The following VPS37C variants were observed in gnomAD, a reference collection of about 807,000 sequenced individuals.
VPS37C encodes the protein VPS37C subunit of ESCRT-I, also known as vacuolar protein sorting-associated protein 37C.
A neutral mutation model predicts 16.1 loss-of-function variants in VPS37C; 9 were observed. The observed-to-expected ratio is 0.56, with a 90% CI of 0.34 to 0.97. The LOEUF (loss-of-function observed/expected upper bound fraction) is 0.97. VPS37C is among the 50% of genes least tolerant of loss of function. VPS37C has a pLI of 0.02. For missense variants in VPS37C, 479 were observed against 472.7 expected, an observed-to-expected ratio of 1.01 and a Z score of -0.12; for synonymous variants, 207 against 206.4, an observed-to-expected ratio of 1.00 and a Z score of -0.02.
intron 1 of VPS37C, among the ~76,000 whole-genome samples, chr11:61,152,130 G>A (rs1258923574): frequency 6.6e-6 from 1 of 152,134 alleles, no homozygotes; most frequent in Non-Finnish European, 1.5e-5. Flanking sequence ...CAAACATCCA[G>A]GAGTGTGCAC....
Position 61,131,551 on chromosome 11 carries a change from C to T in VPS37C, c.*269G>A, listed in dbSNP as rs1039696158. On this transcript the variant is annotated 3_prime_UTR_variant, in exon 5 of 5. Transcript: ENST00000301765. ...ATGCGCTCACTCACACAGACACCGGCGAGAGGTGCTGGACTCCAGCCTGGC... is the reference window on the plus strand; with the variant it reads ...ATGCGCTCACTCACACAGACACCGGTGAGAGGTGCTGGACTCCAGCCTGGC... The T allele has an allele frequency of 1.0e-5, 4 of 394,800 alleles. No homozygotes were observed. Among genetic ancestry groups the T allele is most frequent in the Non-Finnish European group, 1.8e-5 (4 of 228,194 alleles). The allele number at this position is 394,800 out of a possible 1,614,324, so 24.5% of individuals were successfully genotyped here.
At chr11:61,160,044 G>C (rs1352869172) in intron 1 of VPS37C, among the ~76,000 whole-genome samples, 2 of 152,008 alleles carry the variant, frequency 1.3e-5, no homozygotes, top group African/African-American at 2.4e-5. Context: ...CGCAAAATTC[G>C]GTATGTTCAG....
Position 61,161,412 on chromosome 11 carries a change from C to T in VPS37C, c.-28G>A. On this transcript the variant is annotated 5_prime_UTR_variant, in exon 1 of 5. Coordinates refer to ENST00000301765, the MANE Select transcript of VPS37C (RefSeq NM_017966.5). ...TCACCTGCCAGGGCCGCCGTCGCCGCCGCCACCGCGGGTTAAACCGCAGCC... is the reference window on the plus strand; with the variant it reads ...TCACCTGCCAGGGCCGCCGTCGCCGTCGCCACCGCGGGTTAAACCGCAGCC... The T allele has an allele frequency of 6.5e-6, 1 of 155,006 alleles. No homozygotes were observed. The highest frequency in any genetic ancestry group is 1.4e-5 in the Non-Finnish European group (1 of 70,252). The allele number at this position is 155,006 out of a possible 1,614,324, so 9.6% of individuals were successfully genotyped here.
chr11:61,139,745 T>TTG (rs1555014329), intron 1 of VPS37C, among the ~76,000 whole-genome samples: 4 of 141,976 alleles, frequency 2.8e-5, no homozygotes, highest in Non-Finnish European at 4.6e-5. Flanking sequence ...CCATAGCTTT[T>TTG]TTTTTTTTTT....
intron 1 of VPS37C, among the ~76,000 whole-genome samples, chr11:61,157,616 T>G (rs573684710): frequency 4.6e-5 from 7 of 152,344 alleles, no homozygotes; most frequent in African/African-American, 1.7e-4. Context: ...TAGAAGTTCT[T>G]TACATACTCT....
chr11:61,147,886 A>C (rs1449053998), intron 1 of VPS37C, among the ~76,000 whole-genome samples: 1 of 152,124 alleles, frequency 6.6e-6, no homozygotes, highest in Non-Finnish European at 1.5e-5. Context: ...CAGACATGGA[A>C]TTTGAAAACA....
intron 1 of VPS37C, among the ~76,000 whole-genome samples, chr11:61,159,558 G>T (rs1248432797): frequency 6.6e-6 from 1 of 151,944 alleles, no homozygotes; most frequent in East Asian, 1.9e-4. Context: ...ACTTTGGGAG[G>T]CCAAAGCGGG....
intron 1 of VPS37C, among the ~76,000 whole-genome samples, chr11:61,152,741 A>G (rs1055818207): frequency 6.6e-6 from 1 of 152,190 alleles, no homozygotes; most frequent in Non-Finnish European, 1.5e-5. Context: ...CACTTGACAT[A>G]TATTGATCTC....
intron 1 of VPS37C, among the ~76,000 whole-genome samples, chr11:61,160,596 G>A (rs908578585): frequency 6.6e-6 from 1 of 152,178 alleles, no homozygotes; most frequent in African/African-American, 2.4e-5. Flanking sequence ...GGGTAAGTGA[G>A]CCCAGACAAG....
Position 61,151,694 on chromosome 11 carries a change from C to T in VPS37C, c.-7+9697G>A, listed in dbSNP as rs186759723. ...TTACTTCTGCAACTCAAGCACTTCC[C>T]GTGTCAACGCAGGACAGAGAATTTA... On this transcript the variant is annotated intron_variant, in intron 1 of 4. Transcript: ENST00000301765. Among the ~76,000 whole-genome samples, 41 of 152,252 alleles carry T rather than the reference C, an allele frequency of 2.7e-4. 1 individual carries two copies. The highest frequency in any genetic ancestry group is 2.0e-3 in the Admixed American group (30 of 15,292).
chr11:61,146,560 C>A (rs1454956416), intron 1 of VPS37C, among the ~76,000 whole-genome samples: 2 of 152,182 alleles, frequency 1.3e-5, no homozygotes, highest in Non-Finnish European at 1.5e-5. Context: ...GGAGCCACTG[C>A]AGATCCAAGG....
Position 61,131,046 on chromosome 11 carries a change from C to A in VPS37C, c.*774G>T, listed in dbSNP as rs984208810. ...ACCTGGCCCTCCAATCCTAAACAAG[C>A]CCCAATGTGACCACAATCTCCAGGG... On this transcript the variant is annotated 3_prime_UTR_variant, in exon 5 of 5. Coordinates refer to ENST00000301765, the MANE Select transcript of VPS37C (RefSeq NM_017966.5). 3.4e-6 allele frequency: 1 copy of A among 293,040 alleles called. No individual in the cohort carries two copies. The allele number at this position is 293,040 out of a possible 1,614,324, so 18.2% of individuals were successfully genotyped here.
At chr11:61,143,202 C>G (rs1432416841) in intron 1 of VPS37C, among the ~76,000 whole-genome samples, 1 of 151,766 alleles carries the variant, frequency 6.6e-6, no homozygotes, top group African/African-American at 2.4e-5. Context: ...CCCCACCTCA[C>G]AGGGGAGGCT....
intron 1 of VPS37C, among the ~76,000 whole-genome samples, chr11:61,147,471 T>TA (rs1263437192): frequency 6.6e-6 from 1 of 152,152 alleles, no homozygotes; most frequent in African/African-American, 2.4e-5. Flanking sequence ...CCAGTGGATT[T>TA]ACGCCAAAGG....
intron 2 of VPS37C, among the ~76,000 whole-genome samples, chr11:61,134,701 G>A (rs547333556): frequency 6.6e-6 from 1 of 152,360 alleles, no homozygotes; most frequent in South Asian, 2.1e-4. Flanking sequence ...TGTGAGGGGT[G>A]AGAGAGCCAG....
intron 1 of VPS37C, among the ~76,000 whole-genome samples, chr11:61,141,782 C>A (rs1411080148): frequency 1.3e-5 from 2 of 152,248 alleles, no homozygotes; most frequent in Non-Finnish European, 2.9e-5. Flanking sequence ...ATATCGGCTC[C>A]ACCCAAGGGG....
At chr11:61,157,658 G>C (rs1457396902) in intron 1 of VPS37C, among the ~76,000 whole-genome samples, 1 of 152,166 alleles carries the variant, frequency 6.6e-6, no homozygotes, top group East Asian at 1.9e-4. Flanking sequence ...TTTTTTTAAA[G>C]CTGAATTAGC....
chr11:61,157,063 A>T (rs1434331553), intron 1 of VPS37C, among the ~76,000 whole-genome samples: 2 of 152,280 alleles, frequency 1.3e-5, no homozygotes, highest in Non-Finnish European at 2.9e-5. Flanking sequence ...AGGATGTATC[A>T]AACGTTCTTT....
At chr11:61,147,588 T>C (rs1853232108) in intron 1 of VPS37C, among the ~76,000 whole-genome samples, 1 of 149,382 alleles carries the variant, frequency 6.7e-6, no homozygotes, top group South Asian at 2.1e-4. Flanking sequence ...AGATCTGTTT[T>C]TATCGGGGAA....
Sources: allele counts gnomAD v4.1 joint callset (sites outside exome capture counted in the v4.1 genomes callset), GRCh38; gene constraint gnomAD v4.1.1; transcripts MANE v1.5; gene names NCBI Gene and HGNC (gene_info 2026-07-23, HGNC 2026-07-21).